The following ABTB3 variants were observed in gnomAD, a reference collection of about 807,000 sequenced individuals.
ABTB3 encodes the protein ankyrin repeat and BTB domain containing 3, also known as ankyrin repeat- and BTB/POZ domain-containing protein 3.
chr12:107,353,495 C>A, the ABTB3 span, among the ~76,000 whole-genome samples: 1 of 152,166 alleles, frequency 6.6e-6, no homozygotes, highest in African/African-American at 2.4e-5. Flanking sequence ...CCAGGCAAAT[C>A]ACTTAACATC....
At chr12:107,610,116 G>A in the ABTB3 span, 1 of 1,562,220 alleles carries the variant, frequency 6.4e-7, no homozygotes, top group East Asian at 2.2e-5. Flanking sequence ...GTCCCAGGGT[G>A]CTTCCTGCGG....
At chr12:107,461,692 A>T in the ABTB3 span, among the ~76,000 whole-genome samples, 1 of 149,934 alleles carries the variant, frequency 6.7e-6, no homozygotes, top group Non-Finnish European at 1.5e-5. Flanking sequence ...TGAAAAAGAA[A>T]GTTTTGAGGG....
At chr12:107,650,363 A>G in the ABTB3 span, 1 of 152,242 alleles carries the variant, frequency 6.6e-6, no homozygotes, top group African/African-American at 2.4e-5. Flanking sequence ...CTGCAGGCCC[A>G]CTTATCCTTT....
At chr12:107,494,284 A>G in the ABTB3 span, among the ~76,000 whole-genome samples, 2 of 152,184 alleles carry the variant, frequency 1.3e-5, no homozygotes, top group Non-Finnish European at 2.9e-5. Flanking sequence ...ATCTGGGCCT[A>G]TGAAATGAGC....
At chr12:107,591,493 G>A in the ABTB3 span, among the ~76,000 whole-genome samples, 2 of 152,104 alleles carry the variant, frequency 1.3e-5, no homozygotes, top group African/African-American at 4.8e-5. Flanking sequence ...CAGATCTTAT[G>A]AGAACTCACT....
chr12:107,363,393 C>CT, the ABTB3 span, among the ~76,000 whole-genome samples: 1 of 152,282 alleles, frequency 6.6e-6, no homozygotes, highest in East Asian at 1.9e-4. Context: ...TGCAGTGCCT[C>CT]ATTAAGGATC....
the ABTB3 span, among the ~76,000 whole-genome samples, chr12:107,608,898 A>AAAAT: frequency 1.3e-5 from 1 of 78,684 alleles, no homozygotes; most frequent in East Asian, 3.6e-4. Flanking sequence ...TAAAATAAAT[A>AAAAT]AAATAAAATA....
chr12:107,645,776 G>T, the ABTB3 span, among the ~76,000 whole-genome samples: 1 of 152,226 alleles, frequency 6.6e-6, no homozygotes, highest in Admixed American at 6.5e-5. Flanking sequence ...GGAAACGGCA[G>T]TCCCCGGAGG....
the ABTB3 span, among the ~76,000 whole-genome samples, chr12:107,556,967 G>A: frequency 9.3e-4 from 142 of 152,090 alleles, no homozygotes; most frequent in African/African-American, 3.4e-3. Context: ...AGCTGAGATC[G>A]CGCCATTGCA....
the ABTB3 span, among the ~76,000 whole-genome samples, chr12:107,517,414 G>T: frequency 6.6e-6 from 1 of 152,180 alleles, no homozygotes; most frequent in Admixed American, 6.5e-5. Context: ...GAAAGTCATT[G>T]GTAGCTTGAT....
At chr12:107,478,704 A>G in the ABTB3 span, among the ~76,000 whole-genome samples, 1 of 152,018 alleles carries the variant, frequency 6.6e-6, no homozygotes, top group Admixed American at 6.6e-5. Flanking sequence ...CAACTAGTAT[A>G]TTTCACGTGC....
chr12:107,351,164 C>T, the ABTB3 span, among the ~76,000 whole-genome samples: 1 of 152,216 alleles, frequency 6.6e-6, no homozygotes, highest in South Asian at 2.1e-4. Context: ...GGCACTCTGC[C>T]AAGGGGCTTT....
chr12:107,326,756 C>T, the ABTB3 span, among the ~76,000 whole-genome samples: 1 of 152,204 alleles, frequency 6.6e-6, no homozygotes, highest in Non-Finnish European at 1.5e-5. Context: ...TATCCCACAT[C>T]TGAGCAGGGT....
chr12:107,377,446 T>C, the ABTB3 span, among the ~76,000 whole-genome samples: 14 of 120,988 alleles, frequency 1.2e-4, no homozygotes, highest in African/African-American at 4.4e-4. Flanking sequence ...TGTGTGTGTG[T>C]GTGTCCCATG....
the ABTB3 span, among the ~76,000 whole-genome samples, chr12:107,586,412 A>C: frequency 6.6e-6 from 1 of 152,100 alleles, no homozygotes; most frequent in African/African-American, 2.4e-5. Context: ...ACAGAGTCAG[A>C]AACTTCTCTC....
At chr12:107,377,510 A>G in the ABTB3 span, among the ~76,000 whole-genome samples, 1 of 151,584 alleles carries the variant, frequency 6.6e-6, no homozygotes, top group South Asian at 2.1e-4. Context: ...GGGAATCCCA[A>G]CTTGCCTCAG....
the ABTB3 span, among the ~76,000 whole-genome samples, chr12:107,511,481 G>A: frequency 1.3e-5 from 2 of 152,118 alleles, no homozygotes; most frequent in South Asian, 2.1e-4. Flanking sequence ...TTTAGGAGTT[G>A]GCTGACTGTC....
At chr12:107,617,010 C>A in the ABTB3 span, 1 of 1,413,668 alleles carries the variant, frequency 7.1e-7, no homozygotes, top group Non-Finnish European at 1.0e-6. Context: ...TGGCATCTCA[C>A]CCATCCCAGC....
chr12:107,584,537 T>C, the ABTB3 span, among the ~76,000 whole-genome samples: 1 of 152,250 alleles, frequency 6.6e-6, no homozygotes, highest in African/African-American at 2.4e-5. Flanking sequence ...AGAGCTGAGC[T>C]CCTTCTTTCT....
Sources: gnomAD v4.1 joint callset for allele counts (sites outside exome capture counted in the v4.1 genomes callset) on GRCh38, gnomAD v4.1.1 for gene constraint, MANE v1.5 for transcripts, NCBI Gene and HGNC (gene_info 2026-07-23, HGNC 2026-07-21) for gene names.